Variants in SH3GLB2 observed in about 807,000 individuals in gnomAD.
The protein encoded by SH3GLB2 is endophilin-B2.
In SH3GLB2, 24 loss-of-function variants were observed where a neutral mutation model predicts 48.0. The ratio of observed to expected loss-of-function variants is 0.50; its 90% CI spans 0.36 to 0.70. The LOEUF (loss-of-function observed/expected upper bound fraction) is 0.70. SH3GLB2 is among the 30% of genes least tolerant of loss of function. The pLI is 0.00. For missense variants in SH3GLB2, 425 were observed against 516.0 expected (o/e 0.82, Z 1.71); for synonymous variants, 227 against 207.6 (o/e 1.09, Z -0.80).
At chr9:129,024,584 G>A (rs936632777) in intron 1 of SH3GLB2, among the ~76,000 whole-genome samples, 3 of 151,216 alleles carry the variant, frequency 2.0e-5, no homozygotes, top group Non-Finnish European at 2.9e-5. Flanking sequence ...TTAGCTGGGC[G>A]TGGTGGCACC....
At position 129,014,412 on chromosome 9, in the gene SH3GLB2, G is replaced by A. The variant is rs371998867; in HGVS notation, c.560C>T (p.Thr187Met). The change falls in exon 5 of 11, where the codon ACG (threonine) becomes ATG (methionine). Residue 187 changes from threonine (T) to methionine (M), a missense_variant and splice_region_variant. By Grantham distance (81) the Thr-to-Met change is moderately conservative (BLOSUM62 -1). Transcript: ENST00000372564. The surrounding 1 kb of genome is among the most constrained non-coding windows in gnomAD (Gnocchi z 4.1). ...CCAGCGGGGAGCGGGGACACCTACCGTGGCTTTGGCTTCTGCAGCCTTGGC... is the reference window on the plus strand; with the variant it reads ...CCAGCGGGGAGCGGGGACACCTACCATGGCTTTGGCTTCTGCAGCCTTGGC... ...KKAKAAEAKA[T>M]TVPDFQETRP... 9.0e-6 allele frequency: 14 copies of A among 1,549,738 alleles called. No homozygotes were observed. Among genetic ancestry groups the A allele is most frequent in the African/African-American group, 5.5e-5 (4 of 72,998 alleles).
At chr9:129,021,024 A>AAGGG in intron 3 of SH3GLB2, 67 bp downstream of exon 3, 4 of 1,377,668 alleles carry the variant, frequency 2.9e-6, no homozygotes, top group Non-Finnish European at 3.8e-6. Context: ...AAAAAAAAGG[A>AAGGG]AGGGAGGGAG....
chr9:129,009,115 C>T lies in SH3GLB2; in HGVS notation c.1071G>A (p.Leu357=), dbSNP rs1428760015. 2.7e-5 allele frequency: 44 copies of T among 1,608,912 alleles called. No individual in the cohort carries two copies. The highest frequency in any genetic ancestry group is 3.7e-5 in the Non-Finnish European group (44 of 1,179,760). The change falls in exon 10 of 11, where the codon CTG becomes CTA. Residue 357 remains leucine (L), a synonymous_variant. Coordinates refer to ENST00000372564, the MANE Select transcript of SH3GLB2 (RefSeq NM_020145.4). ...EAADSSELAL[L]ADELITVYSL... Reference sequence around the variant, plus strand: ...GCGGCACCGGGCCCACCTCATCAGCCAGCAGGGCCAGCTCACTGCTGTCGG... The same window carrying T: ...GCGGCACCGGGCCCACCTCATCAGCTAGCAGGGCCAGCTCACTGCTGTCGG...
intron 1 of SH3GLB2, among the ~76,000 whole-genome samples, chr9:129,023,141 C>A (rs1196589383): frequency 6.6e-6 from 1 of 152,152 alleles, no homozygotes; most frequent in African/African-American, 2.4e-5. Context: ...GTGCTATGAG[C>A]TGATGGGTGC....
chr9:129,022,154 G>C (rs1843847881), intron 2 of SH3GLB2, 128 bp downstream of exon 2: 1 of 1,391,304 alleles, frequency 7.2e-7, no homozygotes, highest in Non-Finnish European at 9.6e-7. Context: ...CAACAGCCTT[G>C]AGCCCAAGAG....
chr9:129,010,883 C>T, intron 6 of SH3GLB2, 190 bp from the exon 7 acceptor site: 1 of 635,644 alleles, frequency 1.6e-6, no homozygotes, highest in South Asian at 2.0e-5. Flanking sequence ...GTCCCAGTCC[C>T]TCTAACATGC....
chr9:129,014,872 T>C lies in SH3GLB2; in HGVS notation c.367A>G (p.Lys123Glu). 3 of 1,614,012 alleles carry C rather than the reference T, an allele frequency of 1.9e-6. No homozygotes were observed. The highest frequency in any genetic ancestry group is 2.5e-6 in the Non-Finnish European group (3 of 1,180,014). ...KTLIKVAEAE[K>E]QLGAAERDFI... is the part of the protein sequence containing the mutation. ...TCCCTCTCCGCGGCTCCCAGTTGCT[T>C]TTCAGCTTCTGCCACCTTGATCAGT... The change falls in exon 4 of 11, where the codon AAG becomes GAG. Residue 123 changes from lysine (K) to glutamate (E), a missense_variant. Transcript: ENST00000372564. The surrounding 1 kb of genome is among the most constrained non-coding windows in gnomAD (Gnocchi z 4.1).
In SH3GLB2 at chr9:129,008,674, G is replaced by A; in HGVS notation, c.*10C>T. ...CTAGGCCAGAATGCGGGGGGGATGG[G>A]GGCACCTGCCTAGCTGAGCAGTTCC... On this transcript the variant is annotated 3_prime_UTR_variant, in exon 11 of 11. Coordinates refer to ENST00000372564, the MANE Select transcript of SH3GLB2 (RefSeq NM_020145.4). The A allele has an allele frequency of 6.2e-7, 1 of 1,610,442 alleles. No individual in the cohort carries two copies. The highest frequency in any genetic ancestry group is 8.5e-7 in the Non-Finnish European group (1 of 1,176,756).
In SH3GLB2 at chr9:129,014,270, G is replaced by C; in HGVS notation, c.561+141C>G. 1 of 784,546 alleles carries C rather than the reference G, an allele frequency of 1.3e-6. No individual in the cohort carries two copies. The highest frequency in any genetic ancestry group is 2.3e-5 in the Admixed American group (1 of 44,030). 48.6% of individuals were successfully genotyped at this position (784,546 alleles called of 1,614,324 possible). A position where few individuals can be genotyped will look rare whatever the true frequency, so the allele number is the denominator to read the frequency against. ...TTGAGGGCAGGGACAGAGAGGCTCA[G>C]CCCAGCAGCCCCCAGCCAGGCATCT... On this transcript the variant is annotated intron_variant, in intron 5 of 10. Coordinates refer to ENST00000372564, the MANE Select transcript of SH3GLB2 (RefSeq NM_020145.4). This position sits in a 1 kb window ranked among gnomAD's most constrained non-coding sequence, Gnocchi z 4.1.
intron 6 of SH3GLB2, 196 bp from the exon 7 acceptor site, chr9:129,010,889 C>A (rs1373814262): frequency 4.8e-6 from 3 of 621,588 alleles, no homozygotes; most frequent in Non-Finnish European, 8.6e-6. Context: ...GTCCCTCTAA[C>A]ATGCCTCATG....
intron 3 of SH3GLB2, among the ~76,000 whole-genome samples, chr9:129,015,553 T>G (rs1843370115): frequency 6.6e-6 from 1 of 152,046 alleles, no homozygotes; most frequent in South Asian, 2.1e-4. Flanking sequence ...CCGGGCAACA[T>G]GGCAAAACCT....
chr9:129,016,379 G>A (rs1407613182), intron 3 of SH3GLB2, among the ~76,000 whole-genome samples: 5 of 145,202 alleles, frequency 3.4e-5, no homozygotes, highest in Middle Eastern at 7.5e-3. Flanking sequence ...AAAAAGATAC[G>A]GCCGGGTGCG....
intron 3 of SH3GLB2, among the ~76,000 whole-genome samples, chr9:129,018,754 G>A (rs930017014): frequency 2.6e-4 from 39 of 151,176 alleles, no homozygotes; most frequent in African/African-American, 8.3e-4. Context: ...TTAGCCGAGC[G>A]TGGTGGCAGG....
At chr9:129,015,798 G>T in intron 3 of SH3GLB2, 1 of 306,648 alleles carries the variant, frequency 3.3e-6, no homozygotes. Flanking sequence ...CCAGGAGTTT[G>T]AGGCTATAGT....
In SH3GLB2 at chr9:129,014,142, C is replaced by T. The variant is rs937659981; in HGVS notation, c.561+269G>A. On this transcript the variant is annotated intron_variant, in intron 5 of 10. Transcript: ENST00000372564. This position sits in a 1 kb window ranked among gnomAD's most constrained non-coding sequence, Gnocchi z 4.1. ...GCAGGGCAGGGCATGCAGGAGACTC[C>T]AGCTGCCTGGCGGGGTGGTGCACCC... 8.2e-6 allele frequency: 5 copies of T among 612,882 alleles called. No homozygotes were observed. In the Admixed American group the frequency reaches 1.1e-4, roughly 14 times the overall value. 38.0% of individuals were successfully genotyped at this position (612,882 alleles called of 1,614,324 possible).
Position 129,010,183 on chromosome 9 carries a change from C to G in SH3GLB2, c.675G>C (p.Gln225His), listed in dbSNP as rs778528783. Residue 225 changes from glutamine to histidine, a missense_variant, in exon 8 of 11, where the codon CAG becomes CAC. By Grantham distance (24) the Gln-to-His change is conservative. Transcript: ENST00000372564. ...DKAEQELRVA[Q>H]TEFDRQAEVT... ...CTTCTGCTTGCCGGTCAAACTCTGT[C>G]TGGGCCACGCGGAGCTCCTGCTCGG... 9.3e-6 allele frequency: 15 copies of G among 1,614,030 alleles called. No individual in the cohort carries two copies. Among genetic ancestry groups the G allele is most frequent in the East Asian group, 2.2e-5 (1 of 44,860 alleles).
chr9:129,026,625 C>T (rs1588344492), intron 1 of SH3GLB2, among the ~76,000 whole-genome samples: 1 of 152,134 alleles, frequency 6.6e-6, no homozygotes, highest in Non-Finnish European at 1.5e-5. Context: ...TCCCACCAAG[C>T]GGAGCCACAC....
rs538915106 is a variant in SH3GLB2, at chr9:129,014,857, C to A, written c.382G>T (p.Ala128Ser). The change falls in exon 4 of 11, where the codon GCG becomes TCG. Residue 128 changes from alanine (A) to serine (S), a missense_variant. Physicochemically the swap from Ala to Ser is moderately conservative, Grantham distance 99. Transcript: ENST00000372564. The surrounding 1 kb of genome is among the most constrained non-coding windows in gnomAD (Gnocchi z 4.1). ...GCCGTGTGGATAAAATCCCTCTCCG[C>A]GGCTCCCAGTTGCTTTTCAGCTTCT... ...VAEAEKQLGA[A>S]ERDFIHTASI... 2.5e-6 allele frequency: 4 copies of A among 1,613,908 alleles called. No homozygotes were observed. Among genetic ancestry groups the A allele is most frequent in the African/African-American group, 2.7e-5 (2 of 74,874 alleles).
chr9:129,009,834 G>A lies in SH3GLB2; in HGVS notation c.776C>T (p.Ser259Phe). ...HLRCLHEFVK[S>F]QTTYYAQCYR... Reference sequence around the variant, plus strand: ...GCACTGTGCGTAGTAGGTTGTCTGAGACTTGACGAACTCGTGGAGGCAGCG... The same window carrying A: ...GCACTGTGCGTAGTAGGTTGTCTGAAACTTGACGAACTCGTGGAGGCAGCG... Residue 259 changes from serine to phenylalanine, a missense_variant, in exon 9 of 11, where the codon TCT becomes TTT. Physicochemically the swap from Ser to Phe is radical, Grantham distance 155. Coordinates refer to ENST00000372564, the MANE Select transcript of SH3GLB2 (RefSeq NM_020145.4). 1 of 1,614,048 alleles carries A rather than the reference G, an allele frequency of 6.2e-7. No individual in the cohort carries two copies. The highest frequency in any genetic ancestry group is 2.2e-5 in the East Asian group (1 of 44,870).
Sources: gnomAD v4.1 joint callset for allele counts (sites outside exome capture counted in the v4.1 genomes callset) on GRCh38, gnomAD v4.1.1 for gene constraint, Gnocchi (gnomAD v3.1) non-coding constraint, MANE v1.5 for transcripts, NCBI Gene and HGNC (gene_info 2026-07-23, HGNC 2026-07-21) for gene names.